SORCS3: variants seen among roughly 807,000 people sequenced by gnomAD.
SORCS3 encodes VPS10 domain-containing receptor SorCS3.
In SORCS3, 57 loss-of-function variants were observed where a neutral mutation model predicts 146.3. That is an observed-to-expected ratio of 0.39 (90% CI 0.31 to 0.49). The LOEUF (loss-of-function observed/expected upper bound fraction) is 0.49. SORCS3 is among the 20% of genes least tolerant of loss of function. The pLI is 0.92. For synonymous variants in SORCS3, 653 were observed against 618.5 expected, an observed-to-expected ratio of 1.06 and a Z score of -0.83; for missense variants, 1,341 against 1,575.5, an observed-to-expected ratio of 0.85 and a Z score of 2.52.
intron 1 of SORCS3, among the ~76,000 whole-genome samples, chr10:104,771,006 G>A (rs538517690): frequency 2.0e-5 from 3 of 152,042 alleles, no homozygotes; most frequent in Non-Finnish European, 4.4e-5. Context: ...CTAAACTGGT[G>A]CATATTTTGC....
At chr10:104,726,674 C>G (rs1246648940) in intron 1 of SORCS3, among the ~76,000 whole-genome samples, 1 of 152,030 alleles carries the variant, frequency 6.6e-6, no homozygotes, top group East Asian at 1.9e-4. Context: ...CCTCAGAAAT[C>G]TTCAATAGCT....
At chr10:105,156,355 T>C (rs1054091903) in intron 9 of SORCS3, among the ~76,000 whole-genome samples, 5 of 152,218 alleles carry the variant, frequency 3.3e-5, no homozygotes, top group Admixed American at 1.3e-4. Context: ...GAATAAAAGT[T>C]TGAGTAGAAT....
chr10:105,203,398 T>C (rs1410665445), intron 16 of SORCS3, among the ~76,000 whole-genome samples: 3 of 152,110 alleles, frequency 2.0e-5, no homozygotes, highest in Admixed American at 1.3e-4. Flanking sequence ...TTGTGACATA[T>C]TGATGTCAAC....
At chr10:104,775,131 G>A (rs2017294298) in intron 1 of SORCS3, among the ~76,000 whole-genome samples, 1 of 152,176 alleles carries the variant, frequency 6.6e-6, no homozygotes, top group Non-Finnish European at 1.5e-5. Context: ...AATATGGTAT[G>A]CAACATGGGA....
chr10:105,239,717 A>G (rs1301780499), intron 20 of SORCS3, among the ~76,000 whole-genome samples: 1 of 152,180 alleles, frequency 6.6e-6, no homozygotes, highest in African/African-American at 2.4e-5. Context: ...GGGGCTCTGA[A>G]AGGCCAATTT....
At chr10:104,655,346 G>C (rs1190185238) in intron 1 of SORCS3, among the ~76,000 whole-genome samples, 1 of 151,806 alleles carries the variant, frequency 6.6e-6, no homozygotes, top group African/African-American at 2.4e-5. Context: ...ATGGGGGCTT[G>C]TTGTACAGAT....
At chr10:104,983,015 T>G (rs2054940703) in intron 4 of SORCS3, among the ~76,000 whole-genome samples, 1 of 151,544 alleles carries the variant, frequency 6.6e-6, no homozygotes, top group South Asian at 2.1e-4. Flanking sequence ...TTTTTAATTT[T>G]TTGAAATGGA....
chr10:104,965,844 T>G (rs114346486), intron 3 of SORCS3, among the ~76,000 whole-genome samples: 1 of 152,254 alleles, frequency 6.6e-6, no homozygotes, highest in African/African-American at 2.4e-5. Context: ...GTTGGTGTGC[T>G]TATGTTAAAT....
chr10:104,951,501 T>A (rs6584647), intron 3 of SORCS3, among the ~76,000 whole-genome samples: 75,367 of 151,692 alleles, frequency 0.5, 22,647 homozygotes, highest in African/African-American at 0.86. Flanking sequence ...TGAATTTTTA[T>A]TTTTTTTGTT....
chr10:104,817,394 CCTT>C (rs1483717983), intron 1 of SORCS3, among the ~76,000 whole-genome samples: 2 of 99,992 alleles, frequency 2.0e-5, no homozygotes, highest in Non-Finnish European at 4.1e-5. Context: ...TCCTCCTCCT[CCTT>C]CCCCCTCCTC....
chr10:104,858,906 C>T (rs796677631), intron 2 of SORCS3, among the ~76,000 whole-genome samples: 2 of 147,328 alleles, frequency 1.4e-5, no homozygotes, highest in Non-Finnish European at 3.0e-5. Context: ...CAGGTGTGAG[C>T]CACCGCACCT....
intron 1 of SORCS3, among the ~76,000 whole-genome samples, chr10:104,817,076 C>A (rs1360334580): frequency 3.3e-5 from 5 of 152,120 alleles, no homozygotes; most frequent in African/African-American, 1.2e-4. Flanking sequence ...TTTGTTGTTT[C>A]CAACACCCAG....
At chr10:105,196,421 T>G (rs1161392282) in intron 14 of SORCS3, among the ~76,000 whole-genome samples, 1 of 152,118 alleles carries the variant, frequency 6.6e-6, no homozygotes, top group Non-Finnish European at 1.5e-5. Context: ...CTGACCAACA[T>G]GGAGAAACAC....
At chr10:104,989,412 T>C (rs74155081) in intron 4 of SORCS3, among the ~76,000 whole-genome samples, 6,128 of 152,278 alleles carry the variant, frequency 0.04, 178 homozygotes, top group East Asian at 0.15. Context: ...AATTTGGGCA[T>C]AGGAATTTCA....
chr10:105,249,081 A>G (rs912350696), intron 22 of SORCS3, among the ~76,000 whole-genome samples: 1 of 152,214 alleles, frequency 6.6e-6, no homozygotes. Context: ...GGCTACTTAA[A>G]AAATTGAACA....
intron 1 of SORCS3, among the ~76,000 whole-genome samples, chr10:104,677,980 A>G (rs1220651352): frequency 6.6e-6 from 1 of 152,116 alleles, no homozygotes; most frequent in Non-Finnish European, 1.5e-5. Flanking sequence ...ATGACCAGAC[A>G]TTTGTTTAAA....
intron 3 of SORCS3, among the ~76,000 whole-genome samples, chr10:104,952,994 A>G (rs930922967): frequency 6.6e-6 from 1 of 152,214 alleles, no homozygotes; most frequent in African/African-American, 2.4e-5. Flanking sequence ...CCTAAAACAT[A>G]GGCTCTTCAG....
chr10:105,236,508 C>T (rs1355156669), intron 20 of SORCS3, among the ~76,000 whole-genome samples: 1 of 152,120 alleles, frequency 6.6e-6, no homozygotes, highest in Non-Finnish European at 1.5e-5. Context: ...TCAGAGAATT[C>T]TTTCTTGTTC....
chr10:105,222,585 G>A (rs563138772), intron 19 of SORCS3, among the ~76,000 whole-genome samples: 6 of 152,250 alleles, frequency 3.9e-5, no homozygotes, highest in African/African-American at 1.4e-4. Flanking sequence ...GTTTGATTTA[G>A]GGAGATATAC....
Sources: allele counts gnomAD v4.1 joint callset (sites outside exome capture counted in the v4.1 genomes callset), GRCh38; gene constraint gnomAD v4.1.1; transcripts MANE v1.5; gene names NCBI Gene and HGNC (gene_info 2026-07-23, HGNC 2026-07-21).